Variants in CPNE8 observed in about 807,000 individuals in gnomAD.
CPNE8 encodes the protein copine-8.
CPNE8 carries 45 observed loss-of-function variants against 81.5 expected under a neutral mutation model. The ratio of observed to expected loss-of-function variants is 0.55; its 90% confidence interval spans 0.44 to 0.71. CPNE8 has a LOEUF of 0.71. Ranked by LOEUF, CPNE8 falls within the 30% of genes least tolerant of loss-of-function variation. CPNE8 has a pLI of 0.00. For missense variants in CPNE8, 594 were observed against 672.1 expected, an observed-to-expected ratio of 0.88 and a Z score of 1.28; for synonymous variants, 252 against 226.3, an observed-to-expected ratio of 1.11 and a Z score of -1.02.
intron 6 of CPNE8, among the ~76,000 whole-genome samples, chr12:38,796,363 A>G (rs1942473148): frequency 6.6e-6 from 1 of 152,164 alleles, no homozygotes; most frequent in Non-Finnish European, 1.5e-5. Context: ...AAAATAATGC[A>G]AATTTAGGGC....
At chr12:38,865,427 T>C (rs958778488) in intron 3 of CPNE8, among the ~76,000 whole-genome samples, 3 of 152,172 alleles carry the variant, frequency 2.0e-5, no homozygotes, top group Non-Finnish European at 4.4e-5. Flanking sequence ...GGTATATTCA[T>C]AAAATAGAGA....
In CPNE8 at chr12:38,829,404, C is replaced by T. The variant is rs1415696432; in HGVS notation, c.382G>A (p.Gly128Arg). ...ACTATTGGTTTTTCCAGGCGACTTC[C>T]CTGTGAACCAACGATCTCTCCCAAT... ...CTLGEIVGSQ[G>R]SRLEKPIVGI... Residue 128 changes from glycine to arginine, a missense_variant, in exon 6 of 20, where the codon GGA becomes AGA. By Grantham distance (125) the Gly-to-Arg change is moderately radical (BLOSUM62 -2). Transcript: ENST00000331366. 19 of 1,612,906 alleles carry T rather than the reference C, an allele frequency of 1.2e-5. No homozygotes were observed. Among genetic ancestry groups the T allele is most frequent in the Non-Finnish European group, 1.5e-5 (18 of 1,179,018 alleles).
At chr12:38,683,714 G>C (rs543033832) in intron 16 of CPNE8, among the ~76,000 whole-genome samples, 5 of 152,018 alleles carry the variant, frequency 3.3e-5, no homozygotes, top group Non-Finnish European at 7.4e-5. Context: ...TATTGTATTG[G>C]AAGGAAAAGA....
intron 5 of CPNE8, among the ~76,000 whole-genome samples, chr12:38,833,105 C>A (rs368919572): frequency 4.6e-5 from 7 of 151,994 alleles, no homozygotes; most frequent in East Asian, 3.9e-4. Context: ...GTAATCCCAG[C>A]ACTTTGGGAG....
chr12:38,797,642 C>T (rs1942525768), intron 6 of CPNE8, among the ~76,000 whole-genome samples: 1 of 152,096 alleles, frequency 6.6e-6, no homozygotes, highest in African/African-American at 2.4e-5. Context: ...AGCAGAGTGC[C>T]TCTCCTCCTC....
chr12:38,795,871 A>AGATAGATAGATAGATAGAT (rs1942453550), intron 6 of CPNE8, among the ~76,000 whole-genome samples: 3 of 150,824 alleles, frequency 2.0e-5, no homozygotes, highest in South Asian at 4.2e-4. Context: ...ATGGATGGAT[A>AGATAGATAGATAGATAGAT]GATAGATAGA....
chr12:38,850,096 C>G (rs1363885530), intron 3 of CPNE8, among the ~76,000 whole-genome samples: 1 of 152,052 alleles, frequency 6.6e-6, no homozygotes, highest in Non-Finnish European at 1.5e-5. Context: ...ACCCAAATAA[C>G]CAGGGGCTGG....
chr12:38,879,054 T>G (rs1944109479), intron 1 of CPNE8, among the ~76,000 whole-genome samples: 1 of 152,140 alleles, frequency 6.6e-6, no homozygotes, highest in South Asian at 2.1e-4. Context: ...TAATCGATAA[T>G]CATATATATA....
intron 13 of CPNE8, among the ~76,000 whole-genome samples, chr12:38,709,692 A>G (rs1294750865): frequency 6.6e-6 from 1 of 152,164 alleles, no homozygotes; most frequent in Non-Finnish European, 1.5e-5. Flanking sequence ...TATAATGCTT[A>G]TCAAATTTCT....
In CPNE8 at chr12:38,736,067, TTA is replaced by T. The variant is rs1351315901; in HGVS notation, c.723-5711_723-5710del. ...ACATAGATAAAACCACTCTCATAAATTAAGAGTTCAGCAGGAGAACTAGGCTA... is the reference window on the plus strand; with the variant it reads ...ACATAGATAAAACCACTCTCATAAATAGAGTTCAGCAGGAGAACTAGGCTA... On this transcript the variant is annotated intron_variant, in intron 10 of 19. Transcript: ENST00000331366. 4.6e-5 allele frequency among the ~76,000 whole-genome samples: 7 copies of T among 151,934 alleles called. No homozygotes were observed. The East Asian group carries it at 7.7e-4, about 17-fold the overall frequency.
chr12:38,776,656 C>G (rs1487443160), intron 6 of CPNE8, among the ~76,000 whole-genome samples: 1 of 151,952 alleles, frequency 6.6e-6, no homozygotes, highest in Non-Finnish European at 1.5e-5. Flanking sequence ...TGTCGATCCT[C>G]TCCTCAAGAA....
intron 19 of CPNE8, among the ~76,000 whole-genome samples, chr12:38,667,748 C>A (rs999333266): frequency 5.9e-5 from 9 of 152,106 alleles, no homozygotes. Context: ...TCTTTGGAAT[C>A]CCAATGTTAC....
chr12:38,842,205 T>C (rs1943480085), intron 4 of CPNE8, among the ~76,000 whole-genome samples: 1 of 152,138 alleles, frequency 6.6e-6, no homozygotes, highest in South Asian at 2.1e-4. Flanking sequence ...AATACATTTT[T>C]TTATCCAAGA....
At chr12:38,906,594 A>T, upstream of CPNE8, 1 of 985,572 alleles carries the variant, frequency 1.0e-6, no homozygotes, top group Non-Finnish European at 1.2e-6. Context: ...CCTGACGGAT[A>T]AAAGCAGAGA....
intron 19 of CPNE8, among the ~76,000 whole-genome samples, chr12:38,654,921 C>T (rs192295338): frequency 4.1e-4 from 62 of 152,174 alleles, no homozygotes; most frequent in Admixed American, 2.7e-3. Flanking sequence ...AAGACAAAAT[C>T]GCATGGACTA....
intron 3 of CPNE8, among the ~76,000 whole-genome samples, chr12:38,856,849 T>G (rs1413157712): frequency 2.0e-5 from 3 of 152,142 alleles, no homozygotes; most frequent in Non-Finnish European, 4.4e-5. Context: ...ATACATGTAC[T>G]ATCACAAAAC....
At chr12:38,887,469 G>A (rs1333723739) in intron 1 of CPNE8, among the ~76,000 whole-genome samples, 9 of 152,072 alleles carry the variant, frequency 5.9e-5, no homozygotes, top group African/African-American at 1.7e-4. Flanking sequence ...CTGACCTATT[G>A]CTGGGTAAGA....
chr12:38,876,745 G>T (rs1473816011), intron 1 of CPNE8, among the ~76,000 whole-genome samples: 1 of 152,070 alleles, frequency 6.6e-6, no homozygotes, highest in Non-Finnish European at 1.5e-5. Flanking sequence ...GAATATAATA[G>T]AATAGATTAT....
chr12:38,692,261 C>T (rs1044197900), intron 15 of CPNE8, among the ~76,000 whole-genome samples: 5 of 151,930 alleles, frequency 3.3e-5, no homozygotes, highest in Admixed American at 3.3e-4. Context: ...TGCACTCCAG[C>T]CTGGGCAACA....
Sources: gnomAD v4.1 joint callset for allele counts (sites outside exome capture counted in the v4.1 genomes callset) on GRCh38, gnomAD v4.1.1 for gene constraint, MANE v1.5 for transcripts, NCBI Gene and HGNC (gene_info 2026-07-23, HGNC 2026-07-21) for gene names.